The following GCFC2 variants were observed in gnomAD, a reference collection of about 807,000 sequenced individuals.
GCFC2 encodes the protein GC-rich sequence DNA-binding factor 2, also known as intron Large complex component GCFC2.
In GCFC2, 102 loss-of-function variants were observed where a neutral mutation model predicts 99.4. The ratio of observed to expected loss-of-function variants is 1.03; its 90% CI spans 0.87 to 1.21. The LOEUF is 1.21. Ranked by LOEUF, GCFC2 falls within the 50% of genes most tolerant of loss-of-function variation. The pLI is 0.00. For missense variants in GCFC2, 973 were observed against 920.9 expected (o/e 1.06, Z -0.73); for synonymous variants, 338 against 316.8 (o/e 1.07, Z -0.71).
chr2:75,695,167 C>T lies in GCFC2; in HGVS notation c.834-740G>A, dbSNP rs569718713. Among the ~76,000 whole-genome samples the T allele has an allele frequency of 3.3e-5, 5 of 152,212 alleles. No homozygotes were observed. In the South Asian group the frequency reaches 8.3e-4, roughly 25 times the overall value. On this transcript the variant is annotated intron_variant, in intron 5 of 16. Transcript: ENST00000321027. ...CTAGGGGGCTGGCAAACTACCAGTC[C>T]ATCCTTTGTTTTTATAAATAAAGTT...
rs570558702 is a variant in GCFC2, at chr2:75,701,109, G to A, written c.717+81C>T. On this transcript the variant is annotated intron_variant, in intron 4 of 16. Transcript: ENST00000321027. ...CCACGCTGTGAGAGAATAAATGTGT[G>A]TTCTTTTGAGTCACCAAGTTTGTGG... 4 of 794,836 alleles carry A rather than the reference G, an allele frequency of 5.0e-6. No homozygotes were observed. The Admixed American group carries it at 8.4e-5, about 17-fold the overall frequency. The allele number at this position is 794,836 out of a possible 1,614,324, so 49.2% of individuals were successfully genotyped here.
chr2:75,710,263 G>A (rs1209074562), intron 1 of GCFC2, among the ~76,000 whole-genome samples: 1 of 152,154 alleles, frequency 6.6e-6, no homozygotes, highest in African/African-American at 2.4e-5. Flanking sequence ...ATTGAACTTT[G>A]TTGTGACAGT....
Position 75,695,984 on chromosome 2 carries a change from A to G in GCFC2, c.833+216T>C, listed in dbSNP as rs1054596435. ...TTTTTGGACCATGGTTTCACTACCG[A>G]TAACTGAAACCATAGAAGGCAAAAA... On this transcript the variant is annotated intron_variant, in intron 5 of 16. Coordinates refer to ENST00000321027, the MANE Select transcript of GCFC2 (RefSeq NM_003203.5). 2.0e-5 allele frequency among the ~76,000 whole-genome samples: 3 copies of G among 152,208 alleles called. No individual in the cohort carries two copies. The East Asian group carries it at 5.8e-4, about 29-fold the overall frequency.
At position 75,683,786 on chromosome 2, in the gene GCFC2, A is replaced by G. The variant is rs528222146; in HGVS notation, c.1691-3472T>C. ...AAATGGAAAGCAAAAAAAAAAAAAA[A>G]AAAAAAGAAAAAAGAAAAAAAAGCA... On this transcript the variant is annotated intron_variant, in intron 11 of 16. Coordinates refer to ENST00000321027, the MANE Select transcript of GCFC2 (RefSeq NM_003203.5). Among the ~76,000 whole-genome samples the G allele has an allele frequency of 7.6e-4, 112 of 146,680 alleles. 3 individuals are homozygous for G. In the South Asian group the frequency reaches 0.022, roughly 29 times the overall value.
intron 9 of GCFC2, among the ~76,000 whole-genome samples, chr2:75,689,513 T>C (rs1379069918): frequency 6.6e-6 from 1 of 152,024 alleles, no homozygotes; most frequent in Non-Finnish European, 1.5e-5. Context: ...CAAAACAACA[T>C]CAAATTTAGG....
intron 5 of GCFC2, among the ~76,000 whole-genome samples, chr2:75,695,729 G>C (rs1162626632): frequency 6.6e-6 from 1 of 152,048 alleles, no homozygotes; most frequent in East Asian, 1.9e-4. Flanking sequence ...TAAAATAAGG[G>C]TTACCTGAAC....
chr2:75,692,158 T>C, intron 6 of GCFC2, 58 bp from the exon 7 acceptor site: 7 of 471,306 alleles, frequency 1.5e-5, no homozygotes, highest in Non-Finnish European at 2.4e-5. Flanking sequence ...TATATATATA[T>C]ATATATATAT....
At chr2:75,670,825 A>C (rs919709809) in intron 14 of GCFC2, 6 of 152,696 alleles carry the variant, frequency 3.9e-5, no homozygotes, top group Non-Finnish European at 8.8e-5. Flanking sequence ...CTTTCTGTGA[A>C]TTTTAAGGTG....
Position 75,687,978 on chromosome 2 carries a change from C to T in GCFC2, c.1540-1G>A. 2 of 1,540,660 alleles carry T rather than the reference C, an allele frequency of 1.3e-6. No homozygotes were observed. The highest frequency in any genetic ancestry group is 1.8e-6 in the Non-Finnish European group (2 of 1,141,376). On this transcript the variant is annotated splice_acceptor_variant, in intron 10 of 16. Transcript: ENST00000321027. LOFTEE classifies it high-confidence loss of function. Reference sequence around the variant, plus strand: ...TCTCTTTTAAACCTGTGGATTCCAACTTACAAAGAAAATTACAAAAGTTAT... The same window carrying T: ...TCTCTTTTAAACCTGTGGATTCCAATTTACAAAGAAAATTACAAAAGTTAT...
intron 4 of GCFC2, chr2:75,697,608 C>T (rs1172821257): frequency 6.6e-6 from 1 of 152,200 alleles, no homozygotes; most frequent in Non-Finnish European, 1.5e-5. Context: ...AGAGGTTGTA[C>T]ATCATTGTAA....
At chr2:75,684,366 C>T (rs528888503) in intron 11 of GCFC2, among the ~76,000 whole-genome samples, 2 of 152,296 alleles carry the variant, frequency 1.3e-5, no homozygotes, top group East Asian at 1.9e-4. Context: ...TAACAGCCTG[C>T]TCCTGAATGA....
At chr2:75,700,817 G>T (rs1174618341) in intron 4 of GCFC2, among the ~76,000 whole-genome samples, 3 of 152,174 alleles carry the variant, frequency 2.0e-5, no homozygotes, top group African/African-American at 7.2e-5. Context: ...AGTCTTTGTG[G>T]TTGTAATTAA....
rs572165327 is a variant in GCFC2, at chr2:75,710,616, C to T, written c.240G>A (p.Ala80=). 1 of 1,514,620 alleles carries T rather than the reference C, an allele frequency of 6.6e-7. No individual in the cohort carries two copies. The highest frequency in any genetic ancestry group is 1.2e-5 in the South Asian group (1 of 82,154). The allele number at this position is 1,514,620 out of a possible 1,614,324, so 93.8% of individuals were successfully genotyped here. Residue 80 remains alanine (A), a synonymous_variant, in exon 1 of 17, where the codon GCG becomes GCA. Coordinates refer to ENST00000321027, the MANE Select transcript of GCFC2 (RefSeq NM_003203.5). ...VWASSRRATK[A]APRADEGSES... is the part of the protein sequence containing the mutation. The stretch of plus-strand genomic sequence containing the variant: ...CTGAGCCTTCGTCCGCGCGGGGAGC[C>T]GCTTTGGTGGCACGCCGGGAGCTCG...
Position 75,678,520 on chromosome 2 carries a change from C to T in GCFC2, c.1812+1673G>A, listed in dbSNP as rs111732624. On this transcript the variant is annotated intron_variant, in intron 12 of 16. Transcript: ENST00000321027. ...CCCTCAAGCCACAGTTCAAATGCCA[C>T]CCCTAAGATAAATTATTTCCTTATC... Among the ~76,000 whole-genome samples, 388 of 152,244 alleles carry T rather than the reference C, an allele frequency of 2.5e-3. 3 individuals are homozygous for T. The highest frequency in any genetic ancestry group is 8.9e-3 in the African/African-American group (368 of 41,540).
intron 4 of GCFC2, among the ~76,000 whole-genome samples, chr2:75,699,756 T>G (rs886288405): frequency 2.6e-5 from 4 of 152,034 alleles, no homozygotes; most frequent in African/African-American, 9.7e-5. Flanking sequence ...TATTTGTTTT[T>G]AGTAGAGTTC....
upstream of GCFC2, chr2:75,711,262 C>A (rs1040993267): frequency 3.1e-6 from 3 of 953,394 alleles, no homozygotes; most frequent in African/African-American, 5.3e-5. Context: ...GGAGAGAGTG[C>A]CCCCTCCAAC....
chr2:75,707,186 T>A (rs1434127939), intron 1 of GCFC2, among the ~76,000 whole-genome samples: 1 of 152,198 alleles, frequency 6.6e-6, no homozygotes, highest in African/African-American at 2.4e-5. Flanking sequence ...GCTCTCTTTA[T>A]AGTATGCCAT....
intron 15 of GCFC2, 67 bp from the exon 16 acceptor site, chr2:75,666,120 CATAGTG>C (rs1678826193): frequency 1.7e-6 from 2 of 1,186,888 alleles, no homozygotes; most frequent in Non-Finnish European, 2.4e-6. Context: ...AATATAATCT[CATAGTG>C]ATACTGTAAG....
rs374032699 is a variant in GCFC2, at chr2:75,710,781, C to A, written c.75G>T (p.Ser25=). Residue 25 remains serine, a synonymous_variant, in exon 1 of 17, where the codon TCG becomes TCT. Transcript: ENST00000321027. ...DSSDSDGAEE[S]PAEPGAPREL... ...CCCTCGGCGCCCCAGGCTCAGCAGG[C>A]GACTCCTCGGCGCCATCGCTGTCGC... is the stretch of plus-strand genomic sequence containing the variant. The A allele has an allele frequency of 9.5e-6, 15 of 1,574,630 alleles. 1 individual carries two copies. The African/African-American group carries it at 2.0e-4, about 21-fold the overall frequency.
Sources: allele counts gnomAD v4.1 joint callset (sites outside exome capture counted in the v4.1 genomes callset), GRCh38; gene constraint gnomAD v4.1.1; transcripts MANE v1.5; gene names NCBI Gene and HGNC (gene_info 2026-07-23, HGNC 2026-07-21).